The following LRCH2 variants were observed in gnomAD, a reference collection of about 807,000 sequenced individuals.
The protein encoded by LRCH2 is leucine rich repeats and calponin homology domain containing 2.
LRCH2 carries 38 observed loss-of-function variants against 68.9 expected under a neutral mutation model. That is an observed-to-expected ratio of 0.55 (90% CI 0.43 to 0.72). The LOEUF (loss-of-function observed/expected upper bound fraction) is 0.72, where lower values mean the gene tolerates loss of function less well. LRCH2 is among the 30% of genes least tolerant of loss of function. The pLI is 0.00. For missense variants in LRCH2, 528 were observed against 572.9 expected (o/e 0.92, Z 0.80); for synonymous variants, 191 against 208.1 (o/e 0.92, Z 0.71).
At position 115,202,335 on chromosome X, in the gene LRCH2, T is replaced by C. The variant is rs1603090577; in HGVS notation, c.350-13965A>G. ...TGCTAAAAAATGGTGTATACATAGA[T>C]ATAGAGAGCAGAGTGATAGACAATG... On this transcript the variant is annotated intron_variant, in intron 1 of 20. Transcript: ENST00000317135. Among the ~76,000 whole-genome samples the C allele has an allele frequency of 2.7e-5, 3 of 110,958 alleles. No individual in the cohort carries two copies. In the South Asian group the frequency reaches 1.1e-3, roughly 42 times the overall value.
chrX:115,138,793 C>CT (rs1186410960), intron 14 of LRCH2, among the ~76,000 whole-genome samples: 1 of 112,064 alleles, frequency 8.9e-6, no homozygotes, highest in Admixed American at 9.5e-5. Context: ...ATTTAAATGT[C>CT]TTGAAACTCC....
Position 115,112,608 on chromosome X carries a change from ATG to A in LRCH2, c.*606_*607del, listed in dbSNP as rs2072051643. The A allele has an allele frequency of 8.9e-6, 1 of 111,917 alleles. No homozygotes were observed. The highest frequency in any genetic ancestry group is 3.2e-5 in the African/African-American group (1 of 30,868). 9.2% of individuals were successfully genotyped at this position (111,917 alleles called of 1,213,427 possible). On this transcript the variant is annotated 3_prime_UTR_variant, in exon 21 of 21. Coordinates refer to ENST00000317135, the MANE Select transcript of LRCH2 (RefSeq NM_020871.4). ...AAAAATTGCAAAAATGCTTAAGACT[ATG>A]TAAGAGTCATCAATTACACAGGCAC... is the stretch of plus-strand genomic sequence containing the variant.
intron 3 of LRCH2, among the ~76,000 whole-genome samples, chrX:115,183,400 T>C (rs1420686218): frequency 1.8e-5 from 2 of 111,395 alleles, no homozygotes; most frequent in Non-Finnish European, 3.8e-5. Flanking sequence ...CATAAGAATA[T>C]TTTAGGACTT....
chrX:115,137,054 A>G (rs1293651102), intron 14 of LRCH2, among the ~76,000 whole-genome samples: 11 of 111,949 alleles, frequency 9.8e-5, no homozygotes, highest in African/African-American at 3.2e-4. Context: ...GAACATTATC[A>G]ATCTTTTCTT....
intron 1 of LRCH2, among the ~76,000 whole-genome samples, chrX:115,216,673 A>C (rs2073044065): frequency 8.9e-6 from 1 of 112,075 alleles, no homozygotes; most frequent in South Asian, 3.7e-4. Flanking sequence ...AATGTAAATT[A>C]GTACAACCCC....
At chrX:115,190,763 A>C in intron 1 of LRCH2, 1 of 1,165,712 alleles carries the variant, frequency 8.6e-7, no homozygotes, top group East Asian at 3.3e-5. Context: ...CGCTCCACTG[A>C]TGCCCACAGC....
chrX:115,189,340 C>G, intron 1 of LRCH2: 4 of 915,853 alleles, frequency 4.4e-6, no homozygotes, highest in Non-Finnish European at 5.9e-6. Flanking sequence ...TCCACCCCCC[C>G]AACCGGTAGG....
In LRCH2 at chrX:115,150,024, G is replaced by A; in HGVS notation, c.1576C>T (p.Gln526Ter). The A allele has an allele frequency of 8.5e-7, 1 of 1,169,921 alleles. No individual in the cohort carries two copies. The highest frequency in any genetic ancestry group is 1.1e-6 in the Non-Finnish European group (1 of 871,901). Reference sequence around the variant, plus strand: ...ATTGTAATTTAATTTCTTCTTACCTGCCAGGTGAGGGGTGATAATGGTGAA... The same window carrying A: ...ATTGTAATTTAATTTCTTCTTACCTACCAGGTGAGGGGTGATAATGGTGAA... ...VNSPLSPLTWQPLENQKDQID... is the reference protein window; with the variant it reads ...VNSPLSPLTW Residue 526 changes from glutamine (Q) to a stop codon, truncating the protein, a stop_gained and splice_region_variant, in exon 13 of 21, where the codon CAG becomes TAG. Transcript: ENST00000317135. LOFTEE classifies it high-confidence loss of function.
chrX:115,196,788 GC>G (rs2072890508), intron 1 of LRCH2, among the ~76,000 whole-genome samples: 1 of 111,031 alleles, frequency 9.0e-6, no homozygotes, highest in Non-Finnish European at 1.9e-5. Context: ...GAGCTTGAGA[GC>G]CTGCTTATCT....
At chrX:115,137,471 G>C (rs2072299974) in intron 14 of LRCH2, among the ~76,000 whole-genome samples, 1 of 108,314 alleles carries the variant, frequency 9.2e-6, no homozygotes, top group Non-Finnish European at 1.9e-5. Context: ...CAGACCCTAA[G>C]AGCAAGCAGA....
intron 14 of LRCH2, among the ~76,000 whole-genome samples, chrX:115,148,783 A>G (rs2072408715): frequency 9.0e-6 from 1 of 111,273 alleles, no homozygotes; most frequent in Admixed American, 9.6e-5. Context: ...TCTTATATTG[A>G]CCAGGAAATG....
intron 1 of LRCH2, among the ~76,000 whole-genome samples, chrX:115,201,929 G>A (rs782457148): frequency 9.0e-6 from 1 of 110,671 alleles, no homozygotes; most frequent in South Asian, 3.8e-4. Context: ...AAAATACCTA[G>A]GAATAAATTT....
rs1556526616 is a variant in LRCH2 at position 115,123,201 on chromosome X, A to G, written c.1850-9T>C. On this transcript the variant is annotated splice_polypyrimidine_tract_variant and intron_variant, in intron 17 of 20. Coordinates refer to ENST00000317135, the MANE Select transcript of LRCH2 (RefSeq NM_020871.4). ...AGATGAGCGGCTAAAAGCTATAAAA[A>G]CAGAAATTTCCTAACTTGTTACAAA... 3 of 1,186,585 alleles carry G rather than the reference A, an allele frequency of 2.5e-6. No individual in the cohort carries two copies. The East Asian group carries it at 8.9e-5, about 35-fold the overall frequency.
intron 11 of LRCH2, among the ~76,000 whole-genome samples, chrX:115,156,910 A>G (rs782444320): frequency 3.6e-4 from 40 of 111,599 alleles, no homozygotes; most frequent in Non-Finnish European, 6.8e-4. Flanking sequence ...TCTTCTACCC[A>G]TGCTATTATT....
intron 14 of LRCH2, among the ~76,000 whole-genome samples, chrX:115,149,391 G>A (rs180705416): frequency 2.5e-3 from 280 of 111,222 alleles, no homozygotes; most frequent in African/African-American, 8.3e-3. Context: ...AAGGTAACAA[G>A]AAGAAAAAAA....
chrX:115,132,582 A>C (rs1447680072), intron 14 of LRCH2, among the ~76,000 whole-genome samples: 2 of 111,960 alleles, frequency 1.8e-5, no homozygotes, highest in African/African-American at 6.5e-5. Flanking sequence ...AGTGAGCTAT[A>C]TTAGGGATAA....
intron 1 of LRCH2, among the ~76,000 whole-genome samples, chrX:115,206,560 T>C (rs1325637617): frequency 8.9e-6 from 1 of 112,462 alleles, no homozygotes; most frequent in Non-Finnish European, 1.9e-5. Context: ...CACCCCTTTA[T>C]TTCAGCCCAT....
At chrX:115,213,754 A>T (rs2073023609) in intron 1 of LRCH2, among the ~76,000 whole-genome samples, 1 of 111,958 alleles carries the variant, frequency 8.9e-6, no homozygotes, top group African/African-American at 3.2e-5. Flanking sequence ...TTACTGACTA[A>T]AAAAGAGGGG....
intron 14 of LRCH2, among the ~76,000 whole-genome samples, chrX:115,132,606 T>C (rs1350849019): frequency 8.9e-6 from 1 of 111,835 alleles, no homozygotes; most frequent in East Asian, 2.8e-4. Flanking sequence ...ATACAAAACG[T>C]ATTCTTCCTC....
Sources: gnomAD v4.1 joint callset for allele counts (sites outside exome capture counted in the v4.1 genomes callset) on GRCh38, gnomAD v4.1.1 for gene constraint, MANE v1.5 for transcripts, NCBI Gene and HGNC (gene_info 2026-07-23, HGNC 2026-07-21) for gene names.